The following FILIP1L variants were observed in gnomAD, a reference collection of about 807,000 sequenced individuals.
FILIP1L encodes filamin A-interacting protein 1-like.
In FILIP1L, 55 loss-of-function variants were observed where a neutral mutation model predicts 96.6. The observed-to-expected ratio is 0.57, with a 90% CI of 0.46 to 0.71. FILIP1L has a LOEUF of 0.71. FILIP1L is among the 30% of genes least tolerant of loss of function. The pLI is 0.00. For synonymous variants in FILIP1L, 467 were observed against 473.9 expected, an observed-to-expected ratio of 0.99 and a Z score of 0.19; for missense variants, 1,304 against 1,321.2, an observed-to-expected ratio of 0.99 and a Z score of 0.20.
intron 1 of FILIP1L, among the ~76,000 whole-genome samples, chr3:100,046,571 G>T (rs1394144185): frequency 1.3e-5 from 2 of 152,062 alleles, no homozygotes; most frequent in Non-Finnish European, 2.9e-5. Flanking sequence ...ATTGGTTGTT[G>T]TTGATGTTTT....
intron 1 of FILIP1L, among the ~76,000 whole-genome samples, chr3:99,965,517 T>C (rs1708623642): frequency 6.6e-6 from 1 of 152,208 alleles, no homozygotes; most frequent in South Asian, 2.1e-4. Flanking sequence ...TTCTTCCAGA[T>C]ACTTTTCTTC....
rs547027409 is a variant in FILIP1L, at chr3:100,012,580, C to T, written c.-10-81550G>A. On this transcript the variant is annotated intron_variant, in intron 1 of 5. Transcript: ENST00000477258. Reference sequence around the variant, plus strand: ...GGGAAGGCTGGGAGAGGTTCTAGTGCTTCAGGAGGATTTCAGATTCCCCCA... The same window carrying T: ...GGGAAGGCTGGGAGAGGTTCTAGTGTTTCAGGAGGATTTCAGATTCCCCCA... Among the ~76,000 whole-genome samples the T allele has an allele frequency of 3.3e-5, 5 of 152,102 alleles. No homozygotes were observed. In the South Asian group the frequency reaches 1.0e-3, roughly 32 times the overall value.
intron 1 of FILIP1L, among the ~76,000 whole-genome samples, chr3:99,953,551 T>A (rs951185908): frequency 2.0e-5 from 3 of 152,164 alleles, no homozygotes; most frequent in Admixed American, 6.5e-5. Context: ...TACCTTTGAA[T>A]GGGGTCCTAA....
chr3:99,882,961 T>C (rs1559674925), intron 4 of FILIP1L, among the ~76,000 whole-genome samples: 1 of 152,240 alleles, frequency 6.6e-6, no homozygotes, highest in Non-Finnish European at 1.5e-5. Flanking sequence ...ACTTTTAATA[T>C]AAATTTCTGT....
At chr3:99,992,774 G>C (rs1011234701) in intron 1 of FILIP1L, among the ~76,000 whole-genome samples, 4 of 151,478 alleles carry the variant, frequency 2.6e-5, no homozygotes, top group African/African-American at 9.7e-5. Flanking sequence ...CTTAGGTTTT[G>C]TTCTAAGGTT....
chr3:99,865,554 G>A (rs929449780), intron 4 of FILIP1L, among the ~76,000 whole-genome samples: 22 of 152,054 alleles, frequency 1.4e-4, no homozygotes, highest in African/African-American at 5.1e-4. Context: ...AGCAAGTTTC[G>A]TCATTTGGCA....
At chr3:100,064,727 C>G (rs1005058108) in intron 1 of FILIP1L, among the ~76,000 whole-genome samples, 3 of 152,190 alleles carry the variant, frequency 2.0e-5, no homozygotes, top group Non-Finnish European at 2.9e-5. Flanking sequence ...GTTGGCAAAT[C>G]ATACTCATCT....
chr3:99,976,573 G>A (rs764962935), intron 1 of FILIP1L, among the ~76,000 whole-genome samples: 25 of 152,210 alleles, frequency 1.6e-4, no homozygotes, highest in East Asian at 3.9e-4. Context: ...TTATTTTCTC[G>A]TGGCTTGCAT....
intron 1 of FILIP1L, among the ~76,000 whole-genome samples, chr3:100,050,840 T>G (rs1321626094): frequency 6.6e-6 from 1 of 152,152 alleles, no homozygotes; most frequent in Non-Finnish European, 1.5e-5. Context: ...TCCCCCAGGT[T>G]TTGTTAAATT....
intron 1 of FILIP1L, among the ~76,000 whole-genome samples, chr3:99,973,079 G>A (rs943565946): frequency 6.6e-6 from 1 of 152,070 alleles, no homozygotes; most frequent in Non-Finnish European, 1.5e-5. Flanking sequence ...ACAATGGATG[G>A]AATGACAATT....
intron 5 of FILIP1L, among the ~76,000 whole-genome samples, chr3:99,840,256 C>G (rs1486806437): frequency 2.6e-5 from 3 of 117,060 alleles, no homozygotes; most frequent in African/African-American, 3.4e-5. Context: ...GACAGCCTTG[C>G]TCTGTCGCCC....
chr3:99,832,713 C>T (rs1457631989), intron 5 of FILIP1L, among the ~76,000 whole-genome samples: 1 of 83,228 alleles, frequency 1.2e-5, no homozygotes, highest in Non-Finnish European at 2.3e-5. Context: ...TCGTGGCGCA[C>T]TCCTGTAATC....
intron 4 of FILIP1L, among the ~76,000 whole-genome samples, 190 bp downstream of exon 4, chr3:99,924,040 C>T (rs1054229130): frequency 6.6e-6 from 1 of 152,214 alleles, no homozygotes; most frequent in Non-Finnish European, 1.5e-5. Context: ...TTCCACAGTC[C>T]TTATCACACA....
At chr3:100,058,028 C>G (rs1391079191) in intron 1 of FILIP1L, among the ~76,000 whole-genome samples, 3 of 152,228 alleles carry the variant, frequency 2.0e-5, no homozygotes, top group Non-Finnish European at 4.4e-5. Flanking sequence ...TGTCCATTCT[C>G]CCACTCATGC....
chr3:100,058,371 T>A (rs1452464493), intron 1 of FILIP1L, among the ~76,000 whole-genome samples: 2 of 152,218 alleles, frequency 1.3e-5, no homozygotes, highest in Admixed American at 6.5e-5. Context: ...GATTTTCCAT[T>A]GTCATTCTTT....
chr3:99,893,376 A>G (rs1458172244), intron 4 of FILIP1L, among the ~76,000 whole-genome samples: 2 of 152,140 alleles, frequency 1.3e-5, no homozygotes, highest in African/African-American at 2.4e-5. Flanking sequence ...TGTATTAGCC[A>G]GAATGGTCTC....
Position 99,828,938 on chromosome 3 carries a change from C to T in FILIP1L, c.*1476G>A, listed in dbSNP as rs965597977. Among the ~76,000 whole-genome samples, 1 of 152,152 alleles carries T rather than the reference C, an allele frequency of 6.6e-6. No homozygotes were observed. The highest frequency in any genetic ancestry group is 2.4e-5 in the African/African-American group (1 of 41,500). The stretch of plus-strand genomic sequence containing the variant: ...GCCTATCATCCCTCTCAATGCTGCC[C>T]ATCATCCCTCTCAATGCTGCCCATC... On this transcript the variant is annotated 3_prime_UTR_variant, in exon 6 of 6. Transcript: ENST00000477258.
At chr3:99,853,721 C>T (rs1235139570) in intron 4 of FILIP1L, among the ~76,000 whole-genome samples, 1 of 152,192 alleles carries the variant, frequency 6.6e-6, no homozygotes, top group Non-Finnish European at 1.5e-5. Flanking sequence ...TATTTGAATG[C>T]ATTTTCTCTA....
chr3:99,891,834 T>C (rs1255235795), intron 4 of FILIP1L, among the ~76,000 whole-genome samples: 1 of 152,226 alleles, frequency 6.6e-6, no homozygotes, highest in East Asian at 1.9e-4. Flanking sequence ...ATAAACATTG[T>C]GTCCAAGATA....
Sources: gnomAD v4.1 joint callset for allele counts (sites outside exome capture counted in the v4.1 genomes callset) on GRCh38, gnomAD v4.1.1 for gene constraint, MANE v1.5 for transcripts, NCBI Gene and HGNC (gene_info 2026-07-23, HGNC 2026-07-21) for gene names.